The following TFEC variants were observed in gnomAD, a reference collection of about 807,000 sequenced individuals.
TFEC encodes transcription factor EC, also known as class E basic helix-loop-helix protein 34.
TFEC carries 31 observed loss-of-function variants against 41.6 expected under a neutral mutation model. That is an observed-to-expected ratio of 0.74 (90% CI 0.56 to 1.01). The LOEUF (loss-of-function observed/expected upper bound fraction) is 1.01. TFEC is among the 50% of genes least tolerant of loss of function. The pLI, the probability that TFEC is intolerant of heterozygous loss-of-function variation, is 0.00. For synonymous variants in TFEC, 143 were observed against 140.6 expected (o/e 1.02, Z -0.12); for missense variants, 402 against 404.1 (o/e 0.99, Z 0.04).
chr7:116,027,666 T>A (rs901471694), intron 1 of TFEC, among the ~76,000 whole-genome samples: 1 of 151,976 alleles, frequency 6.6e-6, no homozygotes, highest in African/African-American at 2.4e-5. Flanking sequence ...AAGCTGAGCA[T>A]TGGAAACATG....
At chr7:116,149,642 T>C (rs141395008) in intron 1 of TFEC, among the ~76,000 whole-genome samples, 249 of 152,312 alleles carry the variant, frequency 1.6e-3, no homozygotes, top group African/African-American at 5.7e-3. Flanking sequence ...AGAAAATTAG[T>C]ATCATTGATG....
chr7:115,947,881 A>G (rs905613013), intron 6 of TFEC, among the ~76,000 whole-genome samples: 1 of 152,008 alleles, frequency 6.6e-6, no homozygotes, highest in African/African-American at 2.4e-5. Context: ...GACACAAAAA[A>G]CCCTTCAAAA....
intron 5 of TFEC, among the ~76,000 whole-genome samples, chr7:115,952,042 T>A (rs1292426041): frequency 6.6e-6 from 1 of 152,074 alleles, no homozygotes; most frequent in Admixed American, 6.6e-5. Context: ...TGGAAAATAC[T>A]TAAACAGTTC....
At chr7:115,949,367 A>G (rs1422722682) in intron 6 of TFEC, among the ~76,000 whole-genome samples, 2 of 152,086 alleles carry the variant, frequency 1.3e-5, no homozygotes, top group Non-Finnish European at 2.9e-5. Flanking sequence ...TTCATATGGA[A>G]CCAAAAAAGA....
At chr7:115,964,401 A>G (rs1792737152) in intron 3 of TFEC, among the ~76,000 whole-genome samples, 1 of 151,576 alleles carries the variant, frequency 6.6e-6, no homozygotes, top group Admixed American at 6.6e-5. Context: ...ATTCACTGAC[A>G]CCAAAATCAT....
chr7:116,010,492 T>G (rs1239226840), intron 1 of TFEC, among the ~76,000 whole-genome samples: 7 of 152,124 alleles, frequency 4.6e-5, no homozygotes, highest in African/African-American at 1.7e-4. Flanking sequence ...GAATCATGAA[T>G]TTGGTTTTAA....
chr7:116,115,650 A>C (rs1020850372), intron 1 of TFEC, among the ~76,000 whole-genome samples: 1 of 151,952 alleles, frequency 6.6e-6, no homozygotes, highest in African/African-American at 2.4e-5. Context: ...TAACTTAATC[A>C]CATATGCAAG....
intron 1 of TFEC, among the ~76,000 whole-genome samples, chr7:116,024,913 T>C (rs568206092): frequency 6.6e-6 from 1 of 152,288 alleles, no homozygotes; most frequent in African/African-American, 2.4e-5. Flanking sequence ...TTTGTTGTTG[T>C]TGTTGTTGCT....
chr7:116,032,065 T>A (rs1795797330), upstream of TFEC, among the ~76,000 whole-genome samples: 1 of 152,200 alleles, frequency 6.6e-6, no homozygotes, highest in African/African-American at 2.4e-5. Flanking sequence ...TGTATTTGTA[T>A]GAAATACATT....
chr7:116,012,785 C>T (rs933886198), intron 1 of TFEC, among the ~76,000 whole-genome samples: 1 of 135,062 alleles, frequency 7.4e-6, no homozygotes, highest in African/African-American at 2.7e-5. Flanking sequence ...GAAACTTATA[C>T]ATTTTCATAA....
At chr7:116,048,638 A>G (rs573729026) in intron 3 of TFEC, among the ~76,000 whole-genome samples, 7 of 152,334 alleles carry the variant, frequency 4.6e-5, no homozygotes, top group African/African-American at 1.7e-4. Context: ...GAATGCCACA[A>G]AGATACTCCT....
upstream of TFEC, among the ~76,000 whole-genome samples, chr7:116,032,408 G>A (rs1435864115): frequency 1.3e-5 from 2 of 151,876 alleles, no homozygotes; most frequent in African/African-American, 4.8e-5. Context: ...CACTATTCAC[G>A]GAGGAAAGAC....
intron 3 of TFEC, among the ~76,000 whole-genome samples, chr7:116,046,648 T>C (rs1796172556): frequency 6.6e-6 from 1 of 152,198 alleles, no homozygotes; most frequent in Non-Finnish European, 1.5e-5. Flanking sequence ...AAAGAAATAG[T>C]TAGGCATATA....
rs1793430936 is a variant in TFEC, at chr7:115,940,474, A to T, written c.*77T>A. 1 of 1,450,448 alleles carries T rather than the reference A, an allele frequency of 6.9e-7. No homozygotes were observed. Among genetic ancestry groups the T allele is most frequent in the Admixed American group, 2.3e-5 (1 of 43,000 alleles). The allele number at this position is 1,450,448 out of a possible 1,614,324, so 89.8% of individuals were successfully genotyped here. A position where few individuals can be genotyped will look rare whatever the true frequency, so the allele number is the denominator to read the frequency against. On this transcript the variant is annotated 3_prime_UTR_variant, in exon 8 of 8. Coordinates refer to ENST00000265440, the MANE Select transcript of TFEC (RefSeq NM_012252.4). ...AAGAAAAAAAATAAGCCAAAGCAAC[A>T]TATGAAACACAGAGCATAATTGCAT...
chr7:116,081,275 T>C (rs1404176520), intron 3 of TFEC, among the ~76,000 whole-genome samples: 1 of 151,630 alleles, frequency 6.6e-6, no homozygotes, highest in African/African-American at 2.4e-5. Flanking sequence ...TGTACACTGC[T>C]AGGGTGATGG....
At chr7:115,956,530 C>T (rs1792240041) in intron 4 of TFEC, 149 bp downstream of exon 4, 1 of 503,314 alleles carries the variant, frequency 2.0e-6, no homozygotes, top group East Asian at 3.2e-5. Flanking sequence ...GCTTGATTAT[C>T]ATAAAAAGAA....
intron 1 of TFEC, among the ~76,000 whole-genome samples, chr7:115,990,739 C>T (rs1584651017): frequency 6.6e-6 from 1 of 152,068 alleles, no homozygotes; most frequent in African/African-American, 2.4e-5. Flanking sequence ...TGTAAAAAGA[C>T]CAAATCTACA....
At chr7:115,949,566 C>A (rs1424527849) in intron 6 of TFEC, among the ~76,000 whole-genome samples, 2 of 152,076 alleles carry the variant, frequency 1.3e-5, no homozygotes, top group Non-Finnish European at 2.9e-5. Flanking sequence ...ACTATCTGAT[C>A]TTTGACAAAC....
intron 1 of TFEC, among the ~76,000 whole-genome samples, chr7:115,992,374 A>T (rs1229438289): frequency 6.6e-6 from 1 of 152,198 alleles, no homozygotes; most frequent in East Asian, 1.9e-4. Flanking sequence ...AACTGAAGGA[A>T]ATAGAGACAC....
Sources: gnomAD v4.1 joint callset for allele counts (sites outside exome capture counted in the v4.1 genomes callset) on GRCh38, gnomAD v4.1.1 for gene constraint, MANE v1.5 for transcripts, NCBI Gene and HGNC (gene_info 2026-07-23, HGNC 2026-07-21) for gene names.